Variants in RPS6KC1 observed in about 807,000 individuals in gnomAD.
RPS6KC1 encodes the protein ribosomal protein S6 kinase C1.
Under a neutral mutation model 103.8 loss-of-function variants are expected in RPS6KC1, and 54 were observed. The ratio of observed to expected loss-of-function variants is 0.52; its 90% CI spans 0.42 to 0.65. RPS6KC1 has a LOEUF of 0.65. Ranked by LOEUF, RPS6KC1 falls within the 30% of genes least tolerant of loss-of-function variation. The pLI, the probability that RPS6KC1 is intolerant of heterozygous loss-of-function variation, is 0.00. For synonymous variants in RPS6KC1, 439 were observed against 438.7 expected, an observed-to-expected ratio of 1.00 and a Z score of -0.01; for missense variants, 1,151 against 1,253.8, an observed-to-expected ratio of 0.92 and a Z score of 1.24.
At chr1:213,190,716 A>C (rs551042723) in intron 8 of RPS6KC1, among the ~76,000 whole-genome samples, 1 of 152,122 alleles carries the variant, frequency 6.6e-6, no homozygotes, top group Non-Finnish European at 1.5e-5. Context: ...TTACTCAATA[A>C]ATTTTTGCCC....
the RPS6KC1 span, among the ~76,000 whole-genome samples, chr1:213,522,476 G>C: frequency 6.6e-6 from 1 of 152,204 alleles, no homozygotes; most frequent in African/African-American, 2.4e-5. Context: ...CCTAACAAGA[G>C]AGTCAGCCTG....
chr1:213,689,494 A>T, the RPS6KC1 span, among the ~76,000 whole-genome samples: 1 of 152,178 alleles, frequency 6.6e-6, no homozygotes, highest in Non-Finnish European at 1.5e-5. Context: ...TCTGCCTCTT[A>T]GGTGTTCTCC....
chr1:213,796,807 T>C, the RPS6KC1 span, among the ~76,000 whole-genome samples: 15 of 152,324 alleles, frequency 9.8e-5, no homozygotes, highest in African/African-American at 3.6e-4. Context: ...ACCCGATTTC[T>C]TTCCCCTCTT....
intron 12 of RPS6KC1, among the ~76,000 whole-genome samples, chr1:213,257,758 T>C (rs2094682937): frequency 6.7e-6 from 1 of 149,052 alleles, no homozygotes; most frequent in South Asian, 2.1e-4. Flanking sequence ...ACAGATAACT[T>C]TGGATCTTGA....
chr1:213,056,866 T>G (rs1240000663), intron 1 of RPS6KC1, among the ~76,000 whole-genome samples: 2 of 151,986 alleles, frequency 1.3e-5, no homozygotes, highest in Non-Finnish European at 2.9e-5. Context: ...TTTTTTTTTT[T>G]TTTTTAGGCG....
At chr1:213,604,425 CCT>C in the RPS6KC1 span, among the ~76,000 whole-genome samples, 1 of 152,224 alleles carries the variant, frequency 6.6e-6, no homozygotes, top group Non-Finnish European at 1.5e-5. Flanking sequence ...CTGATTTTCC[CCT>C]GTTATCAATA....
intron 3 of RPS6KC1, among the ~76,000 whole-genome samples, chr1:213,092,252 A>G (rs2081036325): frequency 6.6e-6 from 1 of 152,236 alleles, no homozygotes; most frequent in South Asian, 2.1e-4. Context: ...ATATACATAT[A>G]CACAGGGTGT....
chr1:213,392,802 CAG>C, the RPS6KC1 span, among the ~76,000 whole-genome samples: 3 of 152,218 alleles, frequency 2.0e-5, no homozygotes, highest in Non-Finnish European at 4.4e-5. Context: ...ATGCATCTTC[CAG>C]AGCCTGGAGG....
At chr1:213,770,830 A>C in the RPS6KC1 span, among the ~76,000 whole-genome samples, 1 of 152,208 alleles carries the variant, frequency 6.6e-6, no homozygotes, top group Admixed American at 6.5e-5. Flanking sequence ...GCCTAATAGG[A>C]AGTCCAGAAA....
At chr1:213,118,040 G>A (rs1296453915) in intron 5 of RPS6KC1, among the ~76,000 whole-genome samples, 497 of 34,348 alleles carry the variant, frequency 0.014, 1 homozygote, top group African/African-American at 0.046. Context: ...AAAAAAAAAA[G>A]CCTTACTCAT....
the RPS6KC1 span, chr1:213,840,832 G>A: frequency 6.6e-6 from 1 of 152,206 alleles, no homozygotes; most frequent in East Asian, 1.9e-4. Flanking sequence ...ACTTGAGCCT[G>A]TGGAAGAGTT....
the RPS6KC1 span, among the ~76,000 whole-genome samples, chr1:213,525,570 G>T: frequency 4.6e-5 from 7 of 152,088 alleles, no homozygotes; most frequent in African/African-American, 1.7e-4. Context: ...AAAGAGAAAA[G>T]GTCCCAAGGT....
chr1:213,293,899 G>A, the RPS6KC1 span, among the ~76,000 whole-genome samples: 8 of 152,132 alleles, frequency 5.3e-5, no homozygotes, highest in Non-Finnish European at 8.8e-5. Context: ...CTACCTTAGA[G>A]AAAATTTGGA....
chr1:213,862,326 G>C, the RPS6KC1 span, among the ~76,000 whole-genome samples: 3 of 152,134 alleles, frequency 2.0e-5, no homozygotes, highest in Non-Finnish European at 4.4e-5. Context: ...TATTTACCAA[G>C]GAGACCTTCC....
chr1:213,704,302 G>A, the RPS6KC1 span, among the ~76,000 whole-genome samples: 1 of 149,416 alleles, frequency 6.7e-6, no homozygotes, highest in Non-Finnish European at 1.5e-5. Context: ...CAGGAGAATG[G>A]CGTGAACCCC....
At chr1:213,474,398 G>C in the RPS6KC1 span, among the ~76,000 whole-genome samples, 15 of 152,188 alleles carry the variant, frequency 9.9e-5, no homozygotes, top group Non-Finnish European at 1.8e-4. Context: ...GGAGTGGAGA[G>C]AGGGACAGGG....
At chr1:213,282,139 A>T in the RPS6KC1 span, among the ~76,000 whole-genome samples, 1 of 152,216 alleles carries the variant, frequency 6.6e-6, no homozygotes, top group Non-Finnish European at 1.5e-5. Flanking sequence ...TCGGCCTGTC[A>T]TGTGGCTGAG....
the RPS6KC1 span, among the ~76,000 whole-genome samples, chr1:213,627,319 T>G: frequency 7.2e-5 from 11 of 152,212 alleles, no homozygotes; most frequent in African/African-American, 2.7e-4. Flanking sequence ...AAGGAGATTT[T>G]GGGCTGAGAA....
At chr1:213,605,069 T>C in the RPS6KC1 span, among the ~76,000 whole-genome samples, 1 of 152,192 alleles carries the variant, frequency 6.6e-6, no homozygotes, top group African/African-American at 2.4e-5. Context: ...TTCAGGTCTT[T>C]GCTTTGATCA....
Sources: allele counts gnomAD v4.1 joint callset (sites outside exome capture counted in the v4.1 genomes callset), GRCh38; gene constraint gnomAD v4.1.1; transcripts MANE v1.5; gene names NCBI Gene and HGNC (gene_info 2026-07-23, HGNC 2026-07-21).